The following RPSA2 variants were observed in gnomAD, a reference collection of about 807,000 sequenced individuals.
RPSA2 encodes small ribosomal subunit protein uS2B.
At chr19:23,806,905 T>C in the RPSA2 span, among the ~76,000 whole-genome samples, 1 of 152,182 alleles carries the variant, frequency 6.6e-6, no homozygotes, top group South Asian at 2.1e-4. Context: ...TATCTTGGAC[T>C]TTCCATATAA....
chr19:23,810,547 G>A, the RPSA2 span, among the ~76,000 whole-genome samples: 1 of 152,192 alleles, frequency 6.6e-6, no homozygotes, highest in East Asian at 1.9e-4. Flanking sequence ...TCTGCATATG[G>A]TGTTCTTTAT....
chr19:23,837,060 C>A, the RPSA2 span, among the ~76,000 whole-genome samples: 1 of 152,056 alleles, frequency 6.6e-6, no homozygotes, highest in African/African-American at 2.4e-5. Context: ...TTTGGCCAAC[C>A]AATGCCTAGA....
chr19:23,849,263 C>G, the RPSA2 span, among the ~76,000 whole-genome samples: 1 of 152,170 alleles, frequency 6.6e-6, no homozygotes. Context: ...GGGAGGGGAG[C>G]AGCAGTGGCA....
the RPSA2 span, among the ~76,000 whole-genome samples, chr19:23,765,250 A>C: frequency 6.6e-6 from 1 of 152,214 alleles, no homozygotes; most frequent in Non-Finnish European, 1.5e-5. Context: ...TGAAGACCTC[A>C]AGACAGGAAT....
the RPSA2 span, among the ~76,000 whole-genome samples, chr19:23,820,094 AT>A: frequency 6.6e-6 from 1 of 152,316 alleles, no homozygotes; most frequent in Admixed American, 6.5e-5. Context: ...ATGTTTCAAT[AT>A]CCCCCTGCTT....
At chr19:23,861,923 G>A in the RPSA2 span, among the ~76,000 whole-genome samples, 7 of 152,112 alleles carry the variant, frequency 4.6e-5, no homozygotes, top group African/African-American at 1.4e-4. Context: ...TTTGTTTGGT[G>A]AGCGGATCAT....
chr19:23,849,435 A>G, the RPSA2 span, among the ~76,000 whole-genome samples: 2 of 152,164 alleles, frequency 1.3e-5, no homozygotes, highest in African/African-American at 4.8e-5. Context: ...GGGATTTATC[A>G]TGGGGTTCAG....
chr19:23,793,210 CTTTTTTT>C, the RPSA2 span, among the ~76,000 whole-genome samples: 2 of 944 alleles, frequency 2.1e-3, no homozygotes, highest in African/African-American at 3.6e-3. Flanking sequence ...AGGTGGCTTT[CTTTTTTT>C]TTTTTTTTTT....
chr19:23,798,798 T>A, the RPSA2 span: 1 of 152,230 alleles, frequency 6.6e-6, no homozygotes, highest in Admixed American at 6.5e-5. Context: ...CAAATTGGAA[T>A]GCTGCTATTG....
At chr19:23,826,278 C>T in the RPSA2 span, among the ~76,000 whole-genome samples, 1 of 151,674 alleles carries the variant, frequency 6.6e-6, no homozygotes, top group Non-Finnish European at 1.5e-5. Flanking sequence ...CTGCAACTTC[C>T]ACCTCCCGGG....
At chr19:23,832,789 G>A in the RPSA2 span, 7 of 1,566,906 alleles carry the variant, frequency 4.5e-6, no homozygotes, top group Admixed American at 1.7e-5. Context: ...AATTCATACT[G>A]GAGAGAAACC....
chr19:23,839,555 G>A, the RPSA2 span, among the ~76,000 whole-genome samples: 7 of 152,260 alleles, frequency 4.6e-5, no homozygotes, highest in East Asian at 3.9e-4. Context: ...AAATAAAAAG[G>A]CTTTAGTTCT....
the RPSA2 span, among the ~76,000 whole-genome samples, chr19:23,868,245 A>T: frequency 6.6e-6 from 1 of 152,192 alleles, no homozygotes; most frequent in Non-Finnish European, 1.5e-5. Flanking sequence ...GAGAAGGATA[A>T]GCCTCGATTT....
chr19:23,775,497 T>C, the RPSA2 span, among the ~76,000 whole-genome samples: 1 of 152,260 alleles, frequency 6.6e-6, no homozygotes, highest in South Asian at 2.1e-4. Flanking sequence ...ACGTGTACCT[T>C]ATAAATTCCT....
the RPSA2 span, among the ~76,000 whole-genome samples, chr19:23,846,379 C>A: frequency 5.8e-4 from 88 of 151,550 alleles, no homozygotes; most frequent in East Asian, 8.0e-3. Flanking sequence ...TTTATTTTTT[C>A]TTTTTATCTA....
the RPSA2 span, among the ~76,000 whole-genome samples, chr19:23,829,819 G>C: frequency 6.6e-6 from 1 of 150,462 alleles, no homozygotes; most frequent in African/African-American, 2.4e-5. Context: ...TTCTTTTATT[G>C]TTCAAATTTC....
At chr19:23,804,598 G>A in the RPSA2 span, among the ~76,000 whole-genome samples, 2 of 152,070 alleles carry the variant, frequency 1.3e-5, no homozygotes, top group African/African-American at 4.8e-5. Flanking sequence ...TCCGGCCTGT[G>A]CCTCATTTTT....
chr19:23,832,582 C>T, the RPSA2 span: 1 of 1,132,878 alleles, frequency 8.8e-7, no homozygotes, highest in Non-Finnish European at 1.2e-6. Flanking sequence ...ATGCTTTTAG[C>T]CAGTCCCCAT....
At chr19:23,820,773 A>T in the RPSA2 span, among the ~76,000 whole-genome samples, 1 of 152,188 alleles carries the variant, frequency 6.6e-6, no homozygotes, top group African/African-American at 2.4e-5. Flanking sequence ...TGCTAGCAAA[A>T]GGGCTCTTGT....
Sources: gnomAD v4.1 joint callset for allele counts (sites outside exome capture counted in the v4.1 genomes callset) on GRCh38, gnomAD v4.1.1 for gene constraint, MANE v1.5 for transcripts, NCBI Gene and HGNC (gene_info 2026-07-23, HGNC 2026-07-21) for gene names.